Variants in CACNA1E observed in about 807,000 individuals in gnomAD.
CACNA1E encodes the protein calcium voltage-gated channel subunit alpha1 E.
In CACNA1E, 40 loss-of-function variants were observed where a neutral mutation model predicts 259.2. That is an observed-to-expected ratio of 0.15 (90% CI 0.12 to 0.20). The LOEUF is 0.20. Ranked by LOEUF, CACNA1E falls within the 10% of genes least tolerant of loss-of-function variation. CACNA1E has a pLI of 1.00. For synonymous variants in CACNA1E, 1,104 were observed against 1,138.5 expected (o/e 0.97, Z 0.61); for missense variants, 1,874 against 3,040.1 (o/e 0.62, Z 9.02).
intron 2 of CACNA1E, among the ~76,000 whole-genome samples, chr1:181,466,337 G>A (rs978106473): frequency 1.3e-5 from 2 of 151,854 alleles, no homozygotes; most frequent in African/African-American, 4.8e-5. Context: ...GAAGCCAGGA[G>A]TTTGAGAACA....
intron 1 of CACNA1E, among the ~76,000 whole-genome samples, chr1:181,362,276 CAA>C (rs1241761568): frequency 6.6e-6 from 1 of 152,214 alleles, no homozygotes; most frequent in Non-Finnish European, 1.5e-5. Context: ...CCTGGAGGCC[CAA>C]AGTCTCTTGT....
chr1:181,629,654 T>G (rs1656515006), intron 6 of CACNA1E, among the ~76,000 whole-genome samples: 1 of 152,018 alleles, frequency 6.6e-6, no homozygotes, highest in South Asian at 2.1e-4. Context: ...AATTCTAATA[T>G]AAGTATATAT....
At chr1:181,624,836 C>T (rs983251791) in intron 6 of CACNA1E, among the ~76,000 whole-genome samples, 5 of 152,026 alleles carry the variant, frequency 3.3e-5, no homozygotes, top group Admixed American at 2.6e-4. Flanking sequence ...GTTTACTTTG[C>T]CTAGATCCAT....
At chr1:181,576,131 G>A (rs1285296353) in intron 3 of CACNA1E, among the ~76,000 whole-genome samples, 2 of 152,186 alleles carry the variant, frequency 1.3e-5, no homozygotes, top group Middle Eastern at 3.2e-3. Flanking sequence ...GAGAGATGGG[G>A]AAGATTCAGA....
chr1:181,683,653 A>G (rs939992852), intron 7 of CACNA1E, among the ~76,000 whole-genome samples: 1 of 152,090 alleles, frequency 6.6e-6, no homozygotes. Flanking sequence ...TGTGTACTCA[A>G]TGTTTAGTTC....
At chr1:181,411,171 C>A (rs34102579) in intron 1 of CACNA1E, among the ~76,000 whole-genome samples, 1 of 152,040 alleles carries the variant, frequency 6.6e-6, no homozygotes, top group Non-Finnish European at 1.5e-5. Context: ...AGTTCAGGCC[C>A]TCTCAAGCCA....
intron 3 of CACNA1E, among the ~76,000 whole-genome samples, chr1:181,574,879 G>A (rs1478972749): frequency 6.6e-6 from 1 of 152,078 alleles, no homozygotes; most frequent in Non-Finnish European, 1.5e-5. Context: ...ACAAAAATCA[G>A]CCAGGTTTGG....
At position 181,756,961 on chromosome 1, in the gene CACNA1E, C is replaced by T. The variant is rs1456928378; in HGVS notation, c.4164C>T (p.Asp1388=). ...LQHSVDVTEE[D]RGPSRSNRME... is the part of the protein sequence containing the mutation. ...ACTCTGTAGATGTGACAGAGGAAGA[C>T]CGAGGCCCAAGCCGCAGCAACCGCA... Residue 1388 remains aspartate, a synonymous_variant, in exon 30 of 48, where the codon GAC becomes GAT. Transcript: ENST00000367573. 1 of 1,613,806 alleles carries T rather than the reference C, an allele frequency of 6.2e-7. No individual in the cohort carries two copies. Among genetic ancestry groups the T allele is most frequent in the Non-Finnish European group, 8.5e-7 (1 of 1,179,680 alleles).
chr1:181,323,156 C>T (rs992231162), intron 1 of CACNA1E, among the ~76,000 whole-genome samples: 1 of 152,148 alleles, frequency 6.6e-6, no homozygotes, highest in African/African-American at 2.4e-5. Context: ...TCTTAAGTGC[C>T]TTTTGGGGTT....
chr1:181,596,274 A>T (rs1343432817), intron 6 of CACNA1E, among the ~76,000 whole-genome samples: 1 of 152,122 alleles, frequency 6.6e-6, no homozygotes, highest in East Asian at 1.9e-4. Context: ...CCTCCTGTGG[A>T]CATATCTTGC....
At chr1:181,583,021 T>C (rs2102989550) in intron 6 of CACNA1E, among the ~76,000 whole-genome samples, 1 of 152,096 alleles carries the variant, frequency 6.6e-6, no homozygotes, top group Non-Finnish European at 1.5e-5. Flanking sequence ...GCTATTCTGA[T>C]GGCTGGATTT....
intron 2 of CACNA1E, among the ~76,000 whole-genome samples, chr1:181,436,794 C>T (rs188729197): frequency 1.2e-3 from 181 of 152,158 alleles, no homozygotes; most frequent in African/African-American, 3.6e-3. Flanking sequence ...ATCTGTTGCA[C>T]AGCATGTTAC....
chr1:181,384,246 T>C (rs1009965722), intron 1 of CACNA1E, among the ~76,000 whole-genome samples: 5 of 152,130 alleles, frequency 3.3e-5, no homozygotes, highest in Non-Finnish European at 7.4e-5. Context: ...ATCTATGCCA[T>C]AAAGTGAGGG....
intron 27 of CACNA1E, among the ~76,000 whole-genome samples, chr1:181,754,103 G>C (rs1240421787): frequency 6.6e-6 from 1 of 152,232 alleles, no homozygotes; most frequent in Non-Finnish European, 1.5e-5. Context: ...CTTGGGCCCT[G>C]ACCCTTATCA....
chr1:181,319,065 G>A (rs1251089911), intron 1 of CACNA1E, among the ~76,000 whole-genome samples: 4 of 152,202 alleles, frequency 2.6e-5, no homozygotes. Context: ...AGAGGACTGA[G>A]GTCACTTGCT....
intron 6 of CACNA1E, among the ~76,000 whole-genome samples, chr1:181,634,242 A>C (rs1657002993): frequency 6.6e-6 from 1 of 152,200 alleles, no homozygotes; most frequent in Non-Finnish European, 1.5e-5. Flanking sequence ...GGTCATTATG[A>C]GGATTAAAAG....
At chr1:181,774,971 G>A (rs1659846877) in intron 37 of CACNA1E, among the ~76,000 whole-genome samples, 1 of 152,080 alleles carries the variant, frequency 6.6e-6, no homozygotes, top group Non-Finnish European at 1.5e-5. Flanking sequence ...CTTGATATGG[G>A]GCTCAGATGA....
At chr1:181,440,490 A>T (rs1467752883) in intron 2 of CACNA1E, among the ~76,000 whole-genome samples, 1 of 152,182 alleles carries the variant, frequency 6.6e-6, no homozygotes, top group Non-Finnish European at 1.5e-5. Context: ...AAAGAACAAT[A>T]GCAAGCTGAA....
At chr1:181,461,264 G>A (rs1054790775) in intron 2 of CACNA1E, among the ~76,000 whole-genome samples, 7 of 152,276 alleles carry the variant, frequency 4.6e-5, no homozygotes, top group Admixed American at 2.0e-4. Context: ...GTGTTGGGCC[G>A]GGCGCAGTGG....
Sources: gnomAD v4.1 joint callset for allele counts (sites outside exome capture counted in the v4.1 genomes callset) on GRCh38, gnomAD v4.1.1 for gene constraint, MANE v1.5 for transcripts, NCBI Gene and HGNC (gene_info 2026-07-23, HGNC 2026-07-21) for gene names.